ZHX3: variants seen among roughly 807,000 people sequenced by gnomAD.
ZHX3 encodes zinc fingers and homeoboxes protein 3.
A neutral mutation model predicts 64.5 loss-of-function variants in ZHX3; 20 were observed. The observed-to-expected ratio is 0.31, with a 90% CI of 0.22 to 0.45. The LOEUF is 0.45. ZHX3 is among the 20% of genes least tolerant of loss of function. ZHX3 has a pLI of 1.00. For synonymous variants in ZHX3, 423 were observed against 461.6 expected (o/e 0.92, Z 1.07); for missense variants, 1,041 against 1,195.8 (o/e 0.87, Z 1.91).
Position 41,317,579 on chromosome 20 carries a change from G to A in ZHX3, c.-315C>T, listed in dbSNP as rs1312770782. ...CCGCGCTGCGGGCCTCCCTCCCCGC[G>A]GCCGGGCGGGCGGCCGGCGCAGGCC... On this transcript the variant is annotated 5_prime_UTR_variant, in exon 1 of 4. Coordinates refer to ENST00000683867, the MANE Select transcript of ZHX3 (RefSeq NM_001384317.1). The A allele has an allele frequency of 6.8e-6, 1 of 147,116 alleles. No individual in the cohort carries two copies. Among genetic ancestry groups the A allele is most frequent in the East Asian group, 2.0e-4 (1 of 5,116 alleles). 9.1% of individuals were successfully genotyped at this position (147,116 alleles called of 1,614,324 possible).
chr20:41,223,799 GT>G (rs1191152227), intron 2 of ZHX3, among the ~76,000 whole-genome samples: 1 of 152,202 alleles, frequency 6.6e-6, no homozygotes, highest in African/African-American at 2.4e-5. Context: ...TACATGGGTT[GT>G]TACAAATAAC....
intron 1 of ZHX3, among the ~76,000 whole-genome samples, chr20:41,307,326 G>T (rs1025490454): frequency 6.6e-5 from 10 of 152,164 alleles, no homozygotes. Context: ...GTATTCAAAA[G>T]TCCTGTTAAC....
At chr20:41,206,081 G>T (rs1337226132) in intron 2 of ZHX3, among the ~76,000 whole-genome samples, 1 of 152,144 alleles carries the variant, frequency 6.6e-6, no homozygotes, top group African/African-American at 2.4e-5. Flanking sequence ...TGCATCTGAG[G>T]GTCCTGACTG....
At chr20:41,239,134 C>T (rs2041214323) in intron 2 of ZHX3, among the ~76,000 whole-genome samples, 1 of 150,730 alleles carries the variant, frequency 6.6e-6, no homozygotes. Flanking sequence ...TCCCGAGTAG[C>T]TGGGGCTATA....
At chr20:41,274,802 T>G (rs534904142) in intron 1 of ZHX3, among the ~76,000 whole-genome samples, 34 of 152,324 alleles carry the variant, frequency 2.2e-4, no homozygotes, top group Admixed American at 1.8e-3. Flanking sequence ...CTCCTGTCAA[T>G]GTATAAGCTA....
chr20:41,287,426 G>A (rs7262235), intron 1 of ZHX3, among the ~76,000 whole-genome samples: 5,093 of 152,124 alleles, frequency 0.033, 265 homozygotes, highest in African/African-American at 0.11. Flanking sequence ...TGATCTCTGC[G>A]TCCTGGTATT....
In ZHX3 at chr20:41,201,242, C is replaced by T. The variant is rs142856387; in HGVS notation, c.2860+815G>A. The T allele has an allele frequency of 2.8e-4, 357 of 1,256,506 alleles. No individual in the cohort carries two copies. The African/African-American group carries it at 4.2e-3, about 15-fold the overall frequency. 77.8% of individuals were successfully genotyped at this position (1,256,506 alleles called of 1,614,324 possible). On this transcript the variant is annotated intron_variant, in intron 3 of 3. Transcript: ENST00000683867. The surrounding 1 kb of genome is among the most constrained non-coding windows in gnomAD (Gnocchi z 5.0). ...AGCAATGCTGCCATTTTGGAACCCC[C>T]AATCCCTTCAGCTTCTACAATACTC...
chr20:41,293,236 C>T (rs1349952281), intron 1 of ZHX3, among the ~76,000 whole-genome samples: 1 of 152,218 alleles, frequency 6.6e-6, no homozygotes, highest in Non-Finnish European at 1.5e-5. Context: ...GGCAGAAGCT[C>T]TGCCTCACCC....
At chr20:41,241,033 C>T (rs2041347930) in intron 2 of ZHX3, among the ~76,000 whole-genome samples, 1 of 152,162 alleles carries the variant, frequency 6.6e-6, no homozygotes, top group Non-Finnish European at 1.5e-5. Context: ...ATATACCCAG[C>T]AGTGGGATGG....
intron 2 of ZHX3, among the ~76,000 whole-genome samples, chr20:41,215,926 TG>T (rs1466082907): frequency 7.1e-6 from 1 of 140,366 alleles, no homozygotes; most frequent in East Asian, 2.0e-4. Context: ...CACTCCAGCC[TG>T]GGCGACAGAG....
intron 2 of ZHX3, among the ~76,000 whole-genome samples, chr20:41,268,608 T>C (rs950836546): frequency 6.6e-6 from 1 of 152,226 alleles, no homozygotes; most frequent in African/African-American, 2.4e-5. Context: ...ATTAGTTTTC[T>C]AGTTTTTCAA....
chr20:41,196,479 A>ACAT (rs2037624677), intron 3 of ZHX3, among the ~76,000 whole-genome samples: 2 of 282 alleles, frequency 7.1e-3, no homozygotes. Flanking sequence ...ATATATTTAT[A>ACAT]TATTATAAAT....
intron 2 of ZHX3, among the ~76,000 whole-genome samples, chr20:41,236,940 C>A (rs1237135636): frequency 2.0e-5 from 3 of 152,054 alleles, no homozygotes; most frequent in Admixed American, 2.0e-4. Flanking sequence ...ACCCCATCAA[C>A]AAGTGGGCAA....
chr20:41,272,782 T>C (rs1003161086), intron 1 of ZHX3, among the ~76,000 whole-genome samples: 4 of 152,200 alleles, frequency 2.6e-5, no homozygotes, highest in Admixed American at 2.6e-4. Flanking sequence ...CATTCATTGA[T>C]AGACATTTGG....
Position 41,203,683 on chromosome 20 carries a change from C to T in ZHX3, c.1234G>A (p.Gly412Ser), listed in dbSNP as rs973140891. 1.2e-6 allele frequency: 2 copies of T among 1,614,160 alleles called. No individual in the cohort carries two copies. Among genetic ancestry groups the T allele is most frequent in the South Asian group, 1.1e-5 (1 of 91,080 alleles). ...CCCTCTGGCTGCCCCACAACGTGACCTGGAAGAGCGGCCTGGATGAGATGC... is the reference window on the plus strand; with the variant it reads ...CCCTCTGGCTGCCCCACAACGTGACTTGGAAGAGCGGCCTGGATGAGATGC... ...VQHLIQAALPGHVVGQPEGTG... is the reference protein window; with the variant it reads ...VQHLIQAALPSHVVGQPEGTG... Residue 412 changes from glycine (G) to serine (S), a missense_variant, in exon 3 of 4, where the codon GGT becomes AGT. This residue lies in a region of ZHX3 where 649 missense variants were observed against 739.8 expected (regional missense o/e 0.88). Transcript: ENST00000683867. The surrounding 1 kb of genome is among the most constrained non-coding windows in gnomAD (Gnocchi z 7.1).
chr20:41,286,101 G>A (rs564125749), intron 1 of ZHX3, among the ~76,000 whole-genome samples: 1 of 152,190 alleles, frequency 6.6e-6, no homozygotes, highest in African/African-American at 2.4e-5. Flanking sequence ...AAGACAAATA[G>A]AAAGCACGCT....
At chr20:41,221,269 A>G (rs575278851) in intron 2 of ZHX3, among the ~76,000 whole-genome samples, 1 of 152,144 alleles carries the variant, frequency 6.6e-6, no homozygotes, top group Non-Finnish European at 1.5e-5. Context: ...ATCTTTCACA[A>G]AAGTTTTTAC....
intron 2 of ZHX3, among the ~76,000 whole-genome samples, chr20:41,257,307 GACTA>G (rs2042309004): frequency 6.6e-6 from 1 of 152,104 alleles, no homozygotes; most frequent in Non-Finnish European, 1.5e-5. Flanking sequence ...ATCTTGCATT[GACTA>G]ATTTTCTGCT....
intron 1 of ZHX3, among the ~76,000 whole-genome samples, chr20:41,306,893 C>T (rs1358057488): frequency 6.6e-6 from 1 of 152,140 alleles, no homozygotes; most frequent in African/African-American, 2.4e-5. Flanking sequence ...AGTGGAAGAG[C>T]CTTAACATGG....
Sources: allele counts gnomAD v4.1 joint callset (sites outside exome capture counted in the v4.1 genomes callset), GRCh38; gene constraint gnomAD v4.1.1; regional missense constraint gnomAD v4.1.1; non-coding constraint Gnocchi (gnomAD v3.1); transcripts MANE v1.5; gene names NCBI Gene and HGNC (gene_info 2026-07-23, HGNC 2026-07-21).